ERO1A: variants seen among roughly 807,000 people sequenced by gnomAD.
ERO1A encodes the protein endoplasmic reticulum oxidoreductase 1 alpha.
In ERO1A, 49 loss-of-function variants were observed where a neutral mutation model predicts 76.9. The observed-to-expected ratio is 0.64, with a 90% confidence interval of 0.51 to 0.81. The LOEUF is 0.81. Ranked by LOEUF, ERO1A falls within the 30% of genes least tolerant of loss-of-function variation. ERO1A has a pLI of 0.00. For synonymous variants in ERO1A, 174 were observed against 181.2 expected (o/e 0.96, Z 0.32); for missense variants, 448 against 542.1 (o/e 0.83, Z 1.72).
chr14:52,666,914 G>C (rs932698783), intron 6 of ERO1A, among the ~76,000 whole-genome samples: 1 of 152,200 alleles, frequency 6.6e-6, no homozygotes, highest in Non-Finnish European at 1.5e-5. Context: ...TTGGGTGACA[G>C]AGCGAGACTC....
intron 9 of ERO1A, among the ~76,000 whole-genome samples, chr14:52,660,619 CAT>C (rs2040200826): frequency 6.6e-6 from 1 of 152,110 alleles, no homozygotes; most frequent in African/African-American, 2.4e-5. Flanking sequence ...GTTATTTAGA[CAT>C]AATGCAAAAG....
Position 52,691,705 on chromosome 14 carries a change from C to T in ERO1A, c.114+3663G>A, listed in dbSNP as rs532112540. Among the ~76,000 whole-genome samples, 12 of 152,304 alleles carry T rather than the reference C, an allele frequency of 7.9e-5. No homozygotes were observed. The South Asian group carries it at 2.5e-3, about 32-fold the overall frequency. Reference sequence around the variant, plus strand: ...TATTTTGGACTCTGAGCTACTCTCCCCTTTCATTAGCCTGACAGAGATTTA... The same window carrying T: ...TATTTTGGACTCTGAGCTACTCTCCTCTTTCATTAGCCTGACAGAGATTTA... On this transcript the variant is annotated intron_variant, in intron 1 of 15. Transcript: ENST00000395686.
intron 4 of ERO1A, among the ~76,000 whole-genome samples, chr14:52,678,127 ATGG>A (rs1431125540): frequency 6.6e-6 from 1 of 152,034 alleles, no homozygotes; most frequent in Non-Finnish European, 1.5e-5. Context: ...TTAGCCAGGC[ATGG>A]TGGTGAGTGC....
At chr14:52,668,655 T>C (rs778185261) in intron 6 of ERO1A, among the ~76,000 whole-genome samples, 1 of 151,536 alleles carries the variant, frequency 6.6e-6, no homozygotes, top group Non-Finnish European at 1.5e-5. Flanking sequence ...TTTTAAATAT[T>C]CTACCTAGAG....
chr14:52,686,652 C>T (rs1423414705), intron 1 of ERO1A, among the ~76,000 whole-genome samples: 1 of 152,018 alleles, frequency 6.6e-6, no homozygotes, highest in East Asian at 1.9e-4. Context: ...CCGAGGCAGG[C>T]GGATCACAAG....
Position 52,657,957 on chromosome 14 carries a change from T to C in ERO1A, c.768A>G (p.Ala256=). 1 of 1,612,728 alleles carries C rather than the reference T, an allele frequency of 6.2e-7. No individual in the cohort carries two copies. The highest frequency in any genetic ancestry group is 8.5e-7 in the Non-Finnish European group (1 of 1,179,438). The part of the protein sequence containing the change: ...AFYRLISGLH[A]SINVHLSARY... Reference sequence around the variant, plus strand: ...TTGCACTCAAATGCACATTAATGCTTGCATGTAGGCCAGATATAAGTCTGT... The same window carrying C: ...TTGCACTCAAATGCACATTAATGCTCGCATGTAGGCCAGATATAAGTCTGT... Residue 256 remains alanine, a synonymous_variant, in exon 11 of 16, where the codon GCA becomes GCG. Transcript: ENST00000395686.
At chr14:52,650,537 GATATAT>G (rs974725802) in intron 13 of ERO1A, among the ~76,000 whole-genome samples, 1 of 149,420 alleles carries the variant, frequency 6.7e-6, no homozygotes, top group African/African-American at 2.5e-5. Flanking sequence ...AAGATTCTGT[GATATAT>G]ATATATGATT....
At chr14:52,654,171 T>C (rs1422640855) in intron 11 of ERO1A, among the ~76,000 whole-genome samples, 1 of 152,110 alleles carries the variant, frequency 6.6e-6, no homozygotes, top group Non-Finnish European at 1.5e-5. Context: ...CCCATGAACA[T>C]TTTCTGTTTT....
intron 8 of ERO1A, 62 bp from the exon 9 acceptor site, chr14:52,661,366 T>C: frequency 7.6e-6 from 10 of 1,317,238 alleles, no homozygotes; most frequent in Non-Finnish European, 1.0e-5. Context: ...TTTATAATGC[T>C]ACACTTTCAT....
intron 13 of ERO1A, among the ~76,000 whole-genome samples, chr14:52,650,049 TCAA>T (rs960356407): frequency 6.6e-6 from 1 of 151,912 alleles, no homozygotes; most frequent in African/African-American, 2.4e-5. Context: ...AGACCCCAAC[TCAA>T]CAAAAAAATT....
intron 6 of ERO1A, among the ~76,000 whole-genome samples, chr14:52,670,227 T>C (rs2040551579): frequency 6.6e-6 from 1 of 152,208 alleles, no homozygotes; most frequent in Non-Finnish European, 1.5e-5. Context: ...GAAAGAGCGT[T>C]AGTCCACTAG....
chr14:52,647,580 T>G (rs1175954593), intron 13 of ERO1A, among the ~76,000 whole-genome samples: 1 of 152,094 alleles, frequency 6.6e-6, no homozygotes, highest in Admixed American at 6.5e-5. Flanking sequence ...AATACATATG[T>G]ATACATCCAT....
At chr14:52,673,113 A>G (rs1012932397) in intron 4 of ERO1A, among the ~76,000 whole-genome samples, 1 of 151,860 alleles carries the variant, frequency 6.6e-6, no homozygotes, top group South Asian at 2.1e-4. Flanking sequence ...TCTTTGAGAA[A>G]GGGTCTCGCT....
intron 4 of ERO1A, among the ~76,000 whole-genome samples, chr14:52,675,345 T>C (rs1325116246): frequency 1.3e-5 from 2 of 151,390 alleles, no homozygotes; most frequent in East Asian, 3.9e-4. Context: ...ATCGCGCCAT[T>C]GCACTCCAGA....
At chr14:52,679,601 T>C (rs716404) in intron 3 of ERO1A, among the ~76,000 whole-genome samples, 65,850 of 151,720 alleles carry the variant, frequency 0.43, 15,129 homozygotes, top group Middle Eastern at 0.55. Context: ...TTTCACCATG[T>C]TGGCCAAGCT....
intron 1 of ERO1A, among the ~76,000 whole-genome samples, chr14:52,686,014 C>A (rs534087509): frequency 6.6e-6 from 1 of 152,270 alleles, no homozygotes; most frequent in African/African-American, 2.4e-5. Flanking sequence ...GAGTTGAAGA[C>A]CAGCCTGACC....
rs2039424495 is a variant in ERO1A, at chr14:52,640,160, A to G, written c.*3410T>C. The G allele has an allele frequency of 6.6e-6, 1 of 152,256 alleles. No individual in the cohort carries two copies. Among genetic ancestry groups the G allele is most frequent in the Non-Finnish European group, 1.5e-5 (1 of 68,054 alleles). The allele number at this position is 152,256 out of a possible 1,614,324, so 9.4% of individuals were successfully genotyped here. The stretch of plus-strand genomic sequence containing the variant: ...CTTTTCCTGCCCTTAAGGAGCTCAC[A>G]TTCTAGTAAAGACTTTTGAAAAATA... On this transcript the variant is annotated 3_prime_UTR_variant, in exon 16 of 16. Transcript: ENST00000395686.
At chr14:52,676,425 A>G (rs2040785964) in intron 4 of ERO1A, among the ~76,000 whole-genome samples, 1 of 152,154 alleles carries the variant, frequency 6.6e-6, no homozygotes, top group Non-Finnish European at 1.5e-5. Flanking sequence ...CAGCTTAGTA[A>G]TATTGTGGGT....
In ERO1A at chr14:52,692,356, G is replaced by A. The variant is rs17125672; in HGVS notation, c.114+3012C>T. Among the ~76,000 whole-genome samples, 126 of 152,230 alleles carry A rather than the reference G, an allele frequency of 8.3e-4. 2 individuals carry two copies. Among genetic ancestry groups the A allele is most frequent in the Non-Finnish European group, 1.0e-4 (7 of 68,018 alleles). On this transcript the variant is annotated intron_variant, in intron 1 of 15. Transcript: ENST00000395686. ...TCACTGCTCTAGCTCAAATCAGAGC[G>A]GACATTCTGTGAACTGAACCCTACT...
Sources: gnomAD v4.1 joint callset for allele counts (sites outside exome capture counted in the v4.1 genomes callset) on GRCh38, gnomAD v4.1.1 for gene constraint, MANE v1.5 for transcripts, NCBI Gene and HGNC (gene_info 2026-07-23, HGNC 2026-07-21) for gene names.